ADAP2: variants seen among roughly 807,000 people sequenced by gnomAD.
The protein encoded by ADAP2 is arf-GAP with dual PH domain-containing protein 2.
A neutral mutation model predicts 54.9 loss-of-function variants in ADAP2; 42 were observed. The ratio of observed to expected loss-of-function variants is 0.77; its 90% CI spans 0.60 to 0.99. The LOEUF is 0.99. Ranked by LOEUF, ADAP2 falls within the 50% of genes least tolerant of loss-of-function variation. ADAP2 has a pLI of 0.00. For synonymous variants in ADAP2, 177 were observed against 180.1 expected, an observed-to-expected ratio of 0.98 and a Z score of 0.14; for missense variants, 429 against 480.4, an observed-to-expected ratio of 0.89 and a Z score of 1.00.
rs1474722401 is a variant in ADAP2, at chr17:30,958,861, C to G, written c.*992C>G. 3.3e-5 allele frequency: 5 copies of G among 151,448 alleles called. No individual in the cohort carries two copies. Among genetic ancestry groups the G allele is most frequent in the Non-Finnish European group, 5.9e-5 (4 of 68,078 alleles). 9.4% of individuals were successfully genotyped at this position (151,448 alleles called of 1,614,324 possible). On this transcript the variant is annotated 3_prime_UTR_variant, in exon 11 of 11. Coordinates refer to ENST00000330889, the MANE Select transcript of ADAP2 (RefSeq NM_018404.3). ...CCCTCATTGCACCACTTTACTTAGC[C>G]TGGGTGACAGAGTGAGACCCTATCT...
At chr17:30,936,247 T>C (rs542540421) in intron 5 of ADAP2, among the ~76,000 whole-genome samples, 50 of 152,268 alleles carry the variant, frequency 3.3e-4, no homozygotes, top group African/African-American at 1.2e-3. Flanking sequence ...CTTAAATTAC[T>C]GGCCTCAAGC....
rs1453547309 is a variant in ADAP2 at position 30,941,008 on chromosome 17, T to A, written c.511-3899T>A. Among the ~76,000 whole-genome samples, 3 of 152,234 alleles carry A rather than the reference T, an allele frequency of 2.0e-5. No homozygotes were observed. In the East Asian group the frequency reaches 5.8e-4, roughly 29 times the overall value. On this transcript the variant is annotated intron_variant, in intron 5 of 10. Transcript: ENST00000330889. ...CTTTGATTATGCTTTGTCTTCAGGA[T>A]CATACTGGTAAAGCCATGTTTCATC... is the stretch of plus-strand genomic sequence containing the variant.
chr17:30,931,155 C>T (rs1911446969), intron 3 of ADAP2, among the ~76,000 whole-genome samples: 1 of 152,144 alleles, frequency 6.6e-6, no homozygotes, highest in Non-Finnish European at 1.5e-5. Flanking sequence ...CATGAACACA[C>T]AGTGGGAGCA....
chr17:30,924,048 T>C (rs1177633648), intron 2 of ADAP2, among the ~76,000 whole-genome samples: 1 of 152,066 alleles, frequency 6.6e-6, no homozygotes, highest in Non-Finnish European at 1.5e-5. Flanking sequence ...GATTGTAGGC[T>C]CAGTCCAGAC....
chr17:30,955,086 G>A (rs928958546), intron 9 of ADAP2, among the ~76,000 whole-genome samples: 2 of 150,866 alleles, frequency 1.3e-5, no homozygotes, highest in African/African-American at 2.5e-5. Context: ...ATTTTAATAA[G>A]TGCTCCGTAA....
chr17:30,956,433 G>A lies in ADAP2; in HGVS notation c.1075G>A (p.Val359Ile). Residue 359 changes from valine to isoleucine, a missense_variant, in exon 10 of 11, where the codon GTC becomes ATC. By Grantham distance (29) the Val-to-Ile change is conservative. Transcript: ENST00000330889. ...GGAATGGCTGGAAAGTTTGCGGGGT[G>A]TCCTGTCCAGCCCCTTGACGCCCCT... ...QQEWLESLRG[V>I]LSSPLTPLNR... The A allele has an allele frequency of 1.2e-6, 2 of 1,614,226 alleles. No individual in the cohort carries two copies. Among genetic ancestry groups the A allele is most frequent in the Non-Finnish European group, 1.7e-6 (2 of 1,180,040 alleles).
intron 6 of ADAP2, among the ~76,000 whole-genome samples, chr17:30,946,624 C>T (rs1204816041): frequency 1.3e-5 from 2 of 152,100 alleles, no homozygotes; most frequent in African/African-American, 2.4e-5. Context: ...CATAACTAGG[C>T]AGGGGACAGA....
chr17:30,936,071 CACTAGCCCTAGGCAA>C (rs1419354015), intron 5 of ADAP2, among the ~76,000 whole-genome samples: 1 of 152,188 alleles, frequency 6.6e-6, no homozygotes, highest in East Asian at 1.9e-4. Context: ...CCCACCCCAC[CACTAGCCCTAGGCAA>C]CCAACAACTT....
intron 5 of ADAP2, among the ~76,000 whole-genome samples, chr17:30,938,247 A>G (rs1317279596): frequency 6.6e-6 from 1 of 152,152 alleles, no homozygotes; most frequent in Non-Finnish European, 1.5e-5. Flanking sequence ...CTGGCCAGAG[A>G]CCCAAAGAAG....
At chr17:30,928,599 G>A (rs1288488372) in intron 3 of ADAP2, among the ~76,000 whole-genome samples, 1 of 152,198 alleles carries the variant, frequency 6.6e-6, no homozygotes, top group Non-Finnish European at 1.5e-5. Flanking sequence ...TACAAGTACT[G>A]CTACTATCCC....
chr17:30,937,574 A>T (rs573797730), intron 5 of ADAP2, among the ~76,000 whole-genome samples: 4 of 152,338 alleles, frequency 2.6e-5, no homozygotes, highest in South Asian at 4.1e-4. Context: ...GTGAGTAGGG[A>T]GGAAGGAGGC....
intron 5 of ADAP2, among the ~76,000 whole-genome samples, chr17:30,943,108 G>A (rs1315413478): frequency 6.6e-6 from 1 of 152,252 alleles, no homozygotes; most frequent in Non-Finnish European, 1.5e-5. Flanking sequence ...GCTCACGCCT[G>A]TAATCCCAGC....
chr17:30,956,688 C>T lies in ADAP2; in HGVS notation c.1111+219C>T, dbSNP rs1347018750. On this transcript the variant is annotated intron_variant, in intron 10 of 10. Transcript: ENST00000330889. ...GGGTTCCCCTAACCGAGCCCTTCCC[C>T]AGGAGCTTTTAGAGGAGTTTGGCCC... 4 of 577,570 alleles carry T rather than the reference C, an allele frequency of 6.9e-6. No individual in the cohort carries two copies. In the Admixed American group the frequency reaches 1.2e-4, roughly 18 times the overall value. 35.8% of individuals were successfully genotyped at this position (577,570 alleles called of 1,614,324 possible). A position where few individuals can be genotyped will look rare whatever the true frequency, so the allele number is the denominator to read the frequency against.
intron 2 of ADAP2, among the ~76,000 whole-genome samples, chr17:30,923,764 A>G (rs1267250861): frequency 1.4e-5 from 2 of 141,102 alleles, no homozygotes; most frequent in South Asian, 2.2e-4. Flanking sequence ...GCAACGGCCA[A>G]TCTCGGCTCA....
chr17:30,949,166 T>C (rs2142575225), intron 6 of ADAP2, 121 bp from the exon 7 acceptor site: 2 of 732,672 alleles, frequency 2.7e-6, no homozygotes. Context: ...GTGGGGTGTG[T>C]GCAGGTGCTG....
At chr17:30,949,700 G>C (rs2142577301) in intron 7 of ADAP2, among the ~76,000 whole-genome samples, 1 of 145,158 alleles carries the variant, frequency 6.9e-6, no homozygotes, top group African/African-American at 2.7e-5. Context: ...AGTGAGCCCA[G>C]ATGGCGCCGC....
intron 9 of ADAP2, among the ~76,000 whole-genome samples, chr17:30,955,632 G>T (rs532504748): frequency 1.3e-5 from 2 of 151,952 alleles, no homozygotes; most frequent in South Asian, 4.2e-4. Context: ...GCTTGAAACC[G>T]GGAGGCAGAG....
At chr17:30,924,866 G>GTTTTT (rs201358322) in intron 2 of ADAP2, among the ~76,000 whole-genome samples, 1 of 147,022 alleles carries the variant, frequency 6.8e-6, no homozygotes. Flanking sequence ...TTTCTTTTTT[G>GTTTTT]TTTTTTTTGT....
intron 3 of ADAP2, 61 bp from the exon 4 acceptor site, chr17:30,931,828 C>CA (rs369963418): frequency 0.11 from 107,935 of 1,019,870 alleles, 267 homozygotes; most frequent in African/African-American, 0.16. Context: ...GACCCTGTCT[C>CA]AAAAAAAAAA....
Sources: gnomAD v4.1 joint callset for allele counts (sites outside exome capture counted in the v4.1 genomes callset) on GRCh38, gnomAD v4.1.1 for gene constraint, MANE v1.5 for transcripts, NCBI Gene and HGNC (gene_info 2026-07-23, HGNC 2026-07-21) for gene names.